The following PHLPP1 variants were observed in gnomAD, a reference collection of about 807,000 sequenced individuals.
The protein encoded by PHLPP1 is PH domain and leucine rich repeat protein phosphatase 1.
A neutral mutation model predicts 117.2 loss-of-function variants in PHLPP1; 42 were observed. The observed-to-expected ratio is 0.36, with a 90% CI of 0.28 to 0.46. PHLPP1 has a LOEUF of 0.46. Among genes scored for constraint, PHLPP1 ranks in the 20% least tolerant of loss-of-function variants. PHLPP1 has a pLI of 1.00. For missense variants in PHLPP1, 2,084 were observed against 2,241.9 expected (o/e 0.93, Z 1.42); for synonymous variants, 1,042 against 970.7 (o/e 1.07, Z -1.37).
chr18:62,784,664 C>T (rs957102613), intron 1 of PHLPP1, among the ~76,000 whole-genome samples: 6 of 152,188 alleles, frequency 3.9e-5, no homozygotes, highest in African/African-American at 1.2e-4. Context: ...TGCTTCAGTA[C>T]GTGTTAACGT....
intron 10 of PHLPP1, among the ~76,000 whole-genome samples, chr18:62,938,636 G>A (rs1910040598): frequency 6.6e-6 from 1 of 152,212 alleles, no homozygotes; most frequent in Admixed American, 6.5e-5. Context: ...ACTTCATGTG[G>A]TTTCAACTAA....
chr18:62,734,784 A>G (rs1911324770), intron 1 of PHLPP1, among the ~76,000 whole-genome samples: 3 of 152,228 alleles, frequency 2.0e-5, no homozygotes. Context: ...AAATTTTTAC[A>G]GAGACTTCAG....
At position 62,766,086 on chromosome 18, in the gene PHLPP1, T is replaced by A. The variant is rs868439527; in HGVS notation, c.1576+48827T>A. Among the ~76,000 whole-genome samples the A allele has an allele frequency of 3.1e-3, 193 of 62,732 alleles. 18 individuals are homozygous for A. Among genetic ancestry groups the A allele is most frequent in the African/African-American group, 5.6e-3 (107 of 19,192 alleles). The allele number at this position is 62,732 out of a possible 152,430, so 41.2% of individuals were successfully genotyped here. A position where few individuals can be genotyped will look rare whatever the true frequency, so the allele number is the denominator to read the frequency against. ...AAAAAAAAAAAAAAAAATATATATA[T>A]ATATATATATATATATAAAATATAT... is the stretch of plus-strand genomic sequence containing the variant. On this transcript the variant is annotated intron_variant, in intron 1 of 16. Coordinates refer to ENST00000262719, the MANE Select transcript of PHLPP1 (RefSeq NM_194449.4).
intron 13 of PHLPP1, among the ~76,000 whole-genome samples, chr18:62,959,841 G>C (rs1910715133): frequency 6.6e-6 from 1 of 152,168 alleles, no homozygotes; most frequent in Admixed American, 6.5e-5. Flanking sequence ...TTTAGTACTT[G>C]ATGAGAAAAT....
At chr18:62,807,384 G>A (rs754670631) in intron 1 of PHLPP1, among the ~76,000 whole-genome samples, 3 of 152,080 alleles carry the variant, frequency 2.0e-5, no homozygotes, top group Non-Finnish European at 4.4e-5. Flanking sequence ...AAATACAATC[G>A]TATGTATTGA....
intron 1 of PHLPP1, among the ~76,000 whole-genome samples, chr18:62,755,174 A>G (rs1191930785): frequency 6.6e-6 from 1 of 152,182 alleles, no homozygotes; most frequent in African/African-American, 2.4e-5. Context: ...CCCTGGATAG[A>G]TAGATGATCA....
intron 1 of PHLPP1, among the ~76,000 whole-genome samples, chr18:62,719,000 A>G (rs1226437146): frequency 6.6e-6 from 1 of 152,216 alleles, no homozygotes; most frequent in African/African-American, 2.4e-5. Context: ...CCTCATCTCA[A>G]TATTAAAAAA....
intron 6 of PHLPP1, among the ~76,000 whole-genome samples, chr18:62,897,202 C>T (rs541014249): frequency 6.6e-6 from 1 of 152,270 alleles, no homozygotes; most frequent in South Asian, 2.1e-4. Flanking sequence ...TTACCTGGTA[C>T]ATGTAGGGAG....
At chr18:62,786,559 C>T (rs1913291172) in intron 1 of PHLPP1, among the ~76,000 whole-genome samples, 1 of 152,182 alleles carries the variant, frequency 6.6e-6, no homozygotes, top group Non-Finnish European at 1.5e-5. Context: ...CTTTTTGCAA[C>T]AAACTTTTCA....
intron 1 of PHLPP1, among the ~76,000 whole-genome samples, chr18:62,755,751 A>G (rs373691628): frequency 1.3e-5 from 2 of 152,262 alleles, no homozygotes; most frequent in South Asian, 2.1e-4. Context: ...AGCAGCCCAA[A>G]CAGACTAAGA....
intron 11 of PHLPP1, among the ~76,000 whole-genome samples, chr18:62,944,704 T>G (rs1028036838): frequency 7.2e-5 from 11 of 152,196 alleles, no homozygotes; most frequent in African/African-American, 2.7e-4. Context: ...GAGTTTTCAG[T>G]GCCACTACAA....
intron 1 of PHLPP1, among the ~76,000 whole-genome samples, chr18:62,794,195 G>GA (rs772419270): frequency 6.6e-6 from 1 of 151,606 alleles, no homozygotes; most frequent in South Asian, 2.1e-4. Flanking sequence ...TATCCCCCCC[G>GA]AAAAAAGTGA....
intron 14 of PHLPP1, among the ~76,000 whole-genome samples, chr18:62,964,164 A>C (rs936637636): frequency 2.6e-5 from 4 of 152,208 alleles, no homozygotes; most frequent in Admixed American, 2.6e-4. Flanking sequence ...GCCATAATTT[A>C]ATTAGCTGAA....
rs1911248622 is a variant in PHLPP1, at chr18:62,978,147, A to G, written c.3985-115A>G. ...AGCCCTTCTTTCCTCTGTGGGCCAC[A>G]CAGCACTTCTCTGTGGTCCTACAGT... On this transcript the variant is annotated intron_variant, in intron 16 of 16. Coordinates refer to ENST00000262719, the MANE Select transcript of PHLPP1 (RefSeq NM_194449.4). This position sits in a 1 kb window ranked among gnomAD's most constrained non-coding sequence, Gnocchi z 7.0. 20 of 625,430 alleles carry G rather than the reference A, an allele frequency of 3.2e-5. No homozygotes were observed. The South Asian group carries it at 3.5e-4, about 11-fold the overall frequency. The allele number at this position is 625,430 out of a possible 1,614,324, so 38.7% of individuals were successfully genotyped here.
chr18:62,979,110 C>T lies in PHLPP1; in HGVS notation c.4833C>T (p.Asp1611=). The change falls in exon 17 of 17, where the codon GAC becomes GAT. Residue 1611 remains aspartate, a synonymous_variant. Transcript: ENST00000262719. ...AGCCAGGTCTGCCCAGGAAGGCAGA[C>T]TTCTCTGCCGTTGGGACCATTGGGC... ...EDEPGLPRKA[D]FSAVGTIGRR... is the part of the protein sequence containing the mutation. 5.0e-6 allele frequency: 8 copies of T among 1,613,908 alleles called. No individual in the cohort carries two copies. Among genetic ancestry groups the T allele is most frequent in the Non-Finnish European group, 5.9e-6 (7 of 1,179,820 alleles).
At chr18:62,968,430 A>C (rs1368026299) in intron 14 of PHLPP1, among the ~76,000 whole-genome samples, 1 of 151,908 alleles carries the variant, frequency 6.6e-6, no homozygotes, top group Non-Finnish European at 1.5e-5. Context: ...TTTCTTCTTG[A>C]ACAAACTTTG....
chr18:62,860,667 T>C, intron 4 of PHLPP1, 66 bp downstream of exon 4: 1 of 1,282,644 alleles, frequency 7.8e-7, no homozygotes, highest in Non-Finnish European at 1.1e-6. Context: ...CTGCTTGTTA[T>C]CTCTTGAATA....
chr18:62,898,102 G>C (rs116085568), intron 6 of PHLPP1, among the ~76,000 whole-genome samples: 332 of 129,684 alleles, frequency 2.6e-3, no homozygotes, highest in African/African-American at 7.8e-3. Context: ...CTTGGGGGTT[G>C]CATATACTCT....
At chr18:62,791,004 G>A (rs1483441413) in intron 1 of PHLPP1, among the ~76,000 whole-genome samples, 1 of 152,122 alleles carries the variant, frequency 6.6e-6, no homozygotes, top group Non-Finnish European at 1.5e-5. Flanking sequence ...GACTGGCTTT[G>A]TTTTCGGTGT....
Sources: gnomAD v4.1 joint callset for allele counts (sites outside exome capture counted in the v4.1 genomes callset) on GRCh38, gnomAD v4.1.1 for gene constraint, Gnocchi (gnomAD v3.1) non-coding constraint, MANE v1.5 for transcripts, NCBI Gene and HGNC (gene_info 2026-07-23, HGNC 2026-07-21) for gene names.